The following PSD3 variants were observed in gnomAD, a reference collection of about 807,000 sequenced individuals.
PSD3 encodes pleckstrin and Sec7 domain containing 3.
PSD3 carries 49 observed loss-of-function variants against 105.5 expected under a neutral mutation model. The ratio of observed to expected loss-of-function variants is 0.46; its 90% CI spans 0.37 to 0.59. PSD3 has a LOEUF of 0.59. Among genes scored for constraint, PSD3 ranks in the 20% least tolerant of loss-of-function variants. The probability of loss-of-function intolerance (pLI) is 0.00; values close to 1 mark genes in which losing one functional copy is unlikely to be tolerated. For synonymous variants in PSD3, 557 were observed against 457.8 expected, an observed-to-expected ratio of 1.22 and a Z score of -2.77; for missense variants, 1,561 against 1,263.8, an observed-to-expected ratio of 1.24 and a Z score of -3.57.
chr8:18,596,397 C>T (rs79691368), intron 12 of PSD3, among the ~76,000 whole-genome samples: 2,175 of 150,672 alleles, frequency 0.014, 29 homozygotes, highest in Middle Eastern at 0.024. Context: ...CAGAAATAAA[C>T]GAAATAGAGA....
At chr8:18,768,163 G>T (rs1807190157) in intron 8 of PSD3, among the ~76,000 whole-genome samples, 1 of 150,080 alleles carries the variant, frequency 6.7e-6, no homozygotes, top group East Asian at 2.0e-4. Flanking sequence ...GCGGGCGCCT[G>T]TAATCCCAGC....
At position 18,869,216 on chromosome 8, in the gene PSD3, GTCTAAC is replaced by G. The variant is rs1817164457; in HGVS notation, c.1239-1153_1239-1148del. ...TTTTTTTTTTTTTTTTTGAGATGCA[GTCTAAC>G]TCTATCACCTAGGCTGGGGTGCATT... On this transcript the variant is annotated intron_variant, in intron 3 of 15. Transcript: ENST00000327040. 2.3e-5 allele frequency among the ~76,000 whole-genome samples: 3 copies of G among 130,522 alleles called. No individual in the cohort carries two copies. In the Admixed American group the frequency reaches 2.6e-4, roughly 11 times the overall value. The allele number at this position is 130,522 out of a possible 152,430, so 85.6% of individuals were successfully genotyped here.
intron 1 of PSD3, among the ~76,000 whole-genome samples, chr8:18,959,573 C>A (rs985934371): frequency 2.4e-5 from 3 of 127,220 alleles, no homozygotes; most frequent in African/African-American, 8.9e-5. Context: ...TTCATGTCCT[C>A]GGTATTTAAT....
intron 9 of PSD3, among the ~76,000 whole-genome samples, chr8:18,700,735 G>T (rs1284551419): frequency 6.6e-6 from 1 of 151,898 alleles, no homozygotes; most frequent in African/African-American, 2.4e-5. Flanking sequence ...TCTTTCCTTT[G>T]GTTTTTTCTT....
rs1353256579 is a variant in PSD3, at chr8:18,668,149, G to A, written c.2173-12464C>T. Among the ~76,000 whole-genome samples, 3 of 152,366 alleles carry A rather than the reference G, an allele frequency of 2.0e-5. No homozygotes were observed. The East Asian group carries it at 5.8e-4, about 29-fold the overall frequency. On this transcript the variant is annotated intron_variant, in intron 9 of 15. Transcript: ENST00000327040. ...GGCTCCCACAGTGCAGCGGCAGGCT[G>A]AAGGGTTCCTCAAGCGCGGCCAGAG... is the stretch of plus-strand genomic sequence containing the variant.
At chr8:18,920,420 A>T (rs893329457) in intron 2 of PSD3, among the ~76,000 whole-genome samples, 2 of 152,214 alleles carry the variant, frequency 1.3e-5, no homozygotes, top group African/African-American at 4.8e-5. Context: ...ATCATGCTGA[A>T]AGCAAGGTTC....
intron 1 of PSD3, among the ~76,000 whole-genome samples, chr8:19,038,973 G>A (rs28548734): frequency 0.079 from 11,998 of 152,082 alleles, 1,466 homozygotes; most frequent in African/African-American, 0.26. Flanking sequence ...CTGAAGTCTG[G>A]GTCCAAATCC....
chr8:18,838,272 T>C (rs1293225184), intron 4 of PSD3, among the ~76,000 whole-genome samples: 1 of 152,152 alleles, frequency 6.6e-6, no homozygotes, highest in Non-Finnish European at 1.5e-5. Context: ...TCAAGAAACA[T>C]TAAGTACGAA....
intron 2 of PSD3, among the ~76,000 whole-genome samples, chr8:18,889,556 C>A (rs1818653620): frequency 6.6e-6 from 1 of 152,174 alleles, no homozygotes; most frequent in East Asian, 1.9e-4. Context: ...AGCTTGGCTA[C>A]CCTGTCTTGC....
intron 1 of PSD3, among the ~76,000 whole-genome samples, chr8:19,009,670 A>T: frequency 6.6e-6 from 1 of 152,182 alleles, no homozygotes; most frequent in Non-Finnish European, 1.5e-5. Flanking sequence ...AAGGCAGATC[A>T]CCTGAGCTCA....
At chr8:18,940,352 TC>T (rs1466409042) in intron 1 of PSD3, 1 of 152,196 alleles carries the variant, frequency 6.6e-6, no homozygotes, top group Admixed American at 6.5e-5. Context: ...TCCTAAAAGT[TC>T]CCTGGTGACC....
intron 4 of PSD3, among the ~76,000 whole-genome samples, chr8:18,842,313 T>C (rs1233013046): frequency 6.6e-6 from 1 of 152,214 alleles, no homozygotes; most frequent in Admixed American, 6.5e-5. Flanking sequence ...TATAACCCTT[T>C]TGCGCTGTAG....
At chr8:18,596,735 A>G (rs963068925) in intron 12 of PSD3, among the ~76,000 whole-genome samples, 2 of 149,664 alleles carry the variant, frequency 1.3e-5, no homozygotes, top group African/African-American at 4.8e-5. Flanking sequence ...GAAGAAAGGG[A>G]TAAATTACTA....
Position 18,966,549 on chromosome 8 carries a change from C to T in PSD3, c.22-30407G>A, listed in dbSNP as rs149461827. Among the ~76,000 whole-genome samples, 321 of 143,466 alleles carry T rather than the reference C, an allele frequency of 2.2e-3. 2 individuals carry two copies. The highest frequency in any genetic ancestry group is 7.2e-3 in the Middle Eastern group (2 of 278). 94.1% of individuals were successfully genotyped at this position (143,466 alleles called of 152,430 possible). On this transcript the variant is annotated intron_variant, in intron 1 of 15. Coordinates refer to ENST00000327040, the MANE Select transcript of PSD3 (RefSeq NM_015310.4). Reference sequence around the variant, plus strand: ...TTGCACCACTGAACTCCGGCCTGGGCAACAGAGAGAGACTGTCTTAAAAAA... The same window carrying T: ...TTGCACCACTGAACTCCGGCCTGGGTAACAGAGAGAGACTGTCTTAAAAAA...
At chr8:18,646,191 T>C (rs944751885) in intron 10 of PSD3, among the ~76,000 whole-genome samples, 20 of 152,156 alleles carry the variant, frequency 1.3e-4, no homozygotes, top group African/African-American at 4.6e-4. Context: ...GATGGCTACA[T>C]TGAAGTTTAA....
At chr8:18,832,852 A>C (rs999233434) in intron 4 of PSD3, among the ~76,000 whole-genome samples, 9 of 152,108 alleles carry the variant, frequency 5.9e-5, no homozygotes, top group Admixed American at 2.6e-4. Flanking sequence ...TATCACTAGA[A>C]CAGCATAGCT....
chr8:19,029,596 G>A (rs1827685764), intron 1 of PSD3, among the ~76,000 whole-genome samples: 1 of 152,080 alleles, frequency 6.6e-6, no homozygotes, highest in Non-Finnish European at 1.5e-5. Flanking sequence ...CAGATCTTGT[G>A]AGAACTCAGT....
chr8:18,734,984 G>C (rs569583418), intron 9 of PSD3, among the ~76,000 whole-genome samples: 1 of 152,284 alleles, frequency 6.6e-6, no homozygotes, highest in Admixed American at 6.5e-5. Flanking sequence ...ATCAAAGACT[G>C]TGCCCTTTAT....
At chr8:18,550,025 C>G (rs936585135) in intron 15 of PSD3, among the ~76,000 whole-genome samples, 2 of 152,162 alleles carry the variant, frequency 1.3e-5, no homozygotes, top group African/African-American at 2.4e-5. Flanking sequence ...CAATCTAGTC[C>G]TTTTTCTAAT....
Sources: allele counts gnomAD v4.1 joint callset (sites outside exome capture counted in the v4.1 genomes callset), GRCh38; gene constraint gnomAD v4.1.1; transcripts MANE v1.5; gene names NCBI Gene and HGNC (gene_info 2026-07-23, HGNC 2026-07-21).